Variants in DTNBP1 observed in about 807,000 individuals in gnomAD.
The protein encoded by DTNBP1 is dystrobrevin binding protein 1.
A neutral mutation model predicts 42.8 loss-of-function variants in DTNBP1; 35 were observed. That is an observed-to-expected ratio of 0.82 (90% CI 0.63 to 1.09). The LOEUF (loss-of-function observed/expected upper bound fraction) is 1.09, where lower values mean the gene tolerates loss of function less well. DTNBP1 is among the 50% of genes least tolerant of loss of function. DTNBP1 has a pLI of 0.00. For synonymous variants in DTNBP1, 171 were observed against 162.2 expected, an observed-to-expected ratio of 1.05 and a Z score of -0.41; for missense variants, 457 against 424.2, an observed-to-expected ratio of 1.08 and a Z score of -0.68.
At chr6:15,659,860 G>C (rs1237809047) in intron 1 of DTNBP1, among the ~76,000 whole-genome samples, 1 of 151,870 alleles carries the variant, frequency 6.6e-6, no homozygotes, top group Non-Finnish European at 1.5e-5. Context: ...CCAAAAGATG[G>C]GGTTTCTTTG....
At chr6:15,530,384 A>G (rs1772736852) in intron 8 of DTNBP1, among the ~76,000 whole-genome samples, 3 of 152,224 alleles carry the variant, frequency 2.0e-5, no homozygotes, top group Admixed American at 2.0e-4. Context: ...TTTCAAAACC[A>G]TATATTGGCG....
intron 7 of DTNBP1, among the ~76,000 whole-genome samples, chr6:15,583,046 C>A (rs998909897): frequency 6.6e-6 from 1 of 152,172 alleles, no homozygotes; most frequent in African/African-American, 2.4e-5. Context: ...GTGGTGCCAT[C>A]ATAGCTCACT....
chr6:15,637,132 T>C (rs540906050), intron 4 of DTNBP1, among the ~76,000 whole-genome samples: 2 of 152,302 alleles, frequency 1.3e-5, no homozygotes, highest in South Asian at 4.1e-4. Context: ...TTATTTAAAG[T>C]CAGAATTACA....
At chr6:15,639,612 A>G (rs1299667680) in intron 3 of DTNBP1, among the ~76,000 whole-genome samples, 1 of 152,224 alleles carries the variant, frequency 6.6e-6, no homozygotes, top group Non-Finnish European at 1.5e-5. Context: ...GAAAGCTAGA[A>G]AATTTTCTTG....
chr6:15,635,098 TCTC>T (rs1435096735), intron 4 of DTNBP1, among the ~76,000 whole-genome samples: 1 of 152,158 alleles, frequency 6.6e-6, no homozygotes, highest in Non-Finnish European at 1.5e-5. Flanking sequence ...GTTAAGATCT[TCTC>T]CTCTCCTTTA....
At chr6:15,660,463 C>G in intron 1 of DTNBP1, 1 of 1,289,792 alleles carries the variant, frequency 7.8e-7, no homozygotes, top group Non-Finnish European at 1.0e-6. Flanking sequence ...TGTTTCTCCA[C>G]CAGGTGACAG....
In DTNBP1 at chr6:15,662,852, G is replaced by A; in HGVS notation, c.18C>T (p.Arg6=). MLETL[R]ERLLSVQQDF... is the part of the protein sequence containing the mutation. ...CCTGCTGCACGCTCAGCAGCCGCTC[G>A]CGAAGGGTCTCCAGCATTGCCGCCG... Residue 6 remains arginine (R), a synonymous_variant, in exon 1 of 10, where the codon CGC becomes CGT. Transcript: ENST00000344537. The A allele has an allele frequency of 6.2e-7, 1 of 1,608,578 alleles. No individual in the cohort carries two copies. Among genetic ancestry groups the A allele is most frequent in the East Asian group, 2.2e-5 (1 of 44,842 alleles).
At chr6:15,594,941 A>G (rs1776448614) in intron 6 of DTNBP1, among the ~76,000 whole-genome samples, 1 of 152,170 alleles carries the variant, frequency 6.6e-6, no homozygotes, top group African/African-American at 2.4e-5. Context: ...CATAAAAACA[A>G]GGAATCCAGC....
chr6:15,577,479 G>A (rs1775631962), intron 7 of DTNBP1, among the ~76,000 whole-genome samples: 1 of 152,212 alleles, frequency 6.6e-6, no homozygotes, highest in Non-Finnish European at 1.5e-5. Flanking sequence ...AGCACTGGCT[G>A]GATTTACTGA....
intron 3 of DTNBP1, among the ~76,000 whole-genome samples, chr6:15,640,896 T>C (rs1760306227): frequency 6.6e-6 from 1 of 152,184 alleles, no homozygotes; most frequent in African/African-American, 2.4e-5. Context: ...CCTGGACAGG[T>C]AGCCATGCAC....
At chr6:15,636,308 G>A (rs780666187) in intron 4 of DTNBP1, among the ~76,000 whole-genome samples, 10 of 151,876 alleles carry the variant, frequency 6.6e-5, no homozygotes, top group Non-Finnish European at 8.8e-5. Flanking sequence ...GAGCCACCAC[G>A]CCCAGCTAAT....
At chr6:15,620,105 G>A (rs1222342666) in intron 5 of DTNBP1, among the ~76,000 whole-genome samples, 1 of 152,002 alleles carries the variant, frequency 6.6e-6, no homozygotes, top group African/African-American at 2.4e-5. Flanking sequence ...TTTAGGTACT[G>A]ACTTTTATCA....
Position 15,651,294 on chromosome 6 carries a change from C to G in DTNBP1, c.161+19G>C, listed in dbSNP as rs1048694811. 11 of 1,609,696 alleles carry G rather than the reference C, an allele frequency of 6.8e-6. No individual in the cohort carries two copies. The highest frequency in any genetic ancestry group is 4.3e-4 in the Middle Eastern group (2 of 4,634). The stretch of plus-strand genomic sequence containing the variant: ...AAAAAGTCAGAAGTATAACCTTCCT[C>G]TACAAATGAAACACTTACCTGCTAA... On this transcript the variant is annotated intron_variant, in intron 3 of 9. Coordinates refer to ENST00000344537, the MANE Select transcript of DTNBP1 (RefSeq NM_032122.5).
At chr6:15,565,443 C>G (rs1775028723) in intron 7 of DTNBP1, among the ~76,000 whole-genome samples, 2 of 152,122 alleles carry the variant, frequency 1.3e-5, no homozygotes, top group Non-Finnish European at 2.9e-5. Flanking sequence ...TGTCCATTAA[C>G]TGGGGAATGG....
At chr6:15,608,849 T>C (rs961868876) in intron 6 of DTNBP1, among the ~76,000 whole-genome samples, 5 of 152,232 alleles carry the variant, frequency 3.3e-5, no homozygotes, top group Non-Finnish European at 7.3e-5. Context: ...GCTTTTATGA[T>C]CTTTATTCCT....
rs367543103 is a variant in DTNBP1 at position 15,523,081 on chromosome 6, G to A, written c.950C>T (p.Pro317Leu). The change falls in exon 10 of 10, where the codon CCC becomes CTC. Residue 317 changes from proline to leucine, a missense_variant. Coordinates refer to ENST00000344537, the MANE Select transcript of DTNBP1 (RefSeq NM_032122.5). Reference protein sequence around the residue: ...TRDISEGGESPVVQSDEEEVQ... With the variant: ...TRDISEGGESLVVQSDEEEVQ... ...TTCCTCCTCATCGGACTGAACAACG[G>A]GGGACTCCCCACCCTCACTGATGTC... 1 of 1,614,196 alleles carries A rather than the reference G, an allele frequency of 6.2e-7. No homozygotes were observed. The highest frequency in any genetic ancestry group is 8.5e-7 in the Non-Finnish European group (1 of 1,180,050).
intron 7 of DTNBP1, chr6:15,548,481 A>ACACCCC (rs1478832607): frequency 7.4e-6 from 1 of 134,702 alleles, no homozygotes; most frequent in African/African-American, 2.8e-5. Flanking sequence ...ACACACACAC[A>ACACCCC]CCACAATTCT....
intron 5 of DTNBP1, among the ~76,000 whole-genome samples, chr6:15,625,311 A>C (rs995264450): frequency 6.6e-5 from 10 of 152,238 alleles, no homozygotes; most frequent in Non-Finnish European, 1.2e-4. Context: ...AAAGAGCTCA[A>C]TATCGGTTAG....
intron 5 of DTNBP1, among the ~76,000 whole-genome samples, chr6:15,626,857 C>G (rs1206768201): frequency 6.6e-6 from 1 of 152,168 alleles, no homozygotes; most frequent in Non-Finnish European, 1.5e-5. Flanking sequence ...ATAGCTGCAA[C>G]TGCAGGCACG....
Sources: gnomAD v4.1 joint callset for allele counts (sites outside exome capture counted in the v4.1 genomes callset) on GRCh38, gnomAD v4.1.1 for gene constraint, MANE v1.5 for transcripts, NCBI Gene and HGNC (gene_info 2026-07-23, HGNC 2026-07-21) for gene names.